The following ATE1 variants were observed in gnomAD, a reference collection of about 807,000 sequenced individuals.
The protein encoded by ATE1 is arginyltransferase 1, also known as arginyl-tRNA--protein transferase 1.
In ATE1, 36 loss-of-function variants were observed where a neutral mutation model predicts 70.5. The observed-to-expected ratio is 0.51, with a 90% confidence interval of 0.39 to 0.67. The LOEUF is 0.67. ATE1 is among the 30% of genes least tolerant of loss of function. ATE1 has a pLI of 0.00. For missense variants in ATE1, 593 were observed against 629.5 expected, an observed-to-expected ratio of 0.94 and a Z score of 0.62; for synonymous variants, 232 against 219.3, an observed-to-expected ratio of 1.06 and a Z score of -0.51.
At chr10:121,848,054 G>C (rs907254132) in intron 8 of ATE1, among the ~76,000 whole-genome samples, 13 of 152,038 alleles carry the variant, frequency 8.6e-5, no homozygotes, top group Non-Finnish European at 1.6e-4. Flanking sequence ...CTGGGCGACA[G>C]AGCAAGACTC....
intron 8 of ATE1, among the ~76,000 whole-genome samples, chr10:121,843,224 A>G (rs1948696405): frequency 6.6e-6 from 1 of 152,234 alleles, no homozygotes; most frequent in Non-Finnish European, 1.5e-5. Flanking sequence ...ACAAAAAATG[A>G]AATGTTTAGT....
chr10:121,870,788 C>T (rs1949827296), intron 7 of ATE1, among the ~76,000 whole-genome samples: 1 of 152,144 alleles, frequency 6.6e-6, no homozygotes, highest in African/African-American at 2.4e-5. Context: ...TTGTAGTATA[C>T]CTCTGAAATG....
chr10:121,810,502 C>T (rs544730329), intron 10 of ATE1, among the ~76,000 whole-genome samples: 1 of 152,170 alleles, frequency 6.6e-6, no homozygotes, highest in South Asian at 2.1e-4. Context: ...GATACCCTGA[C>T]CTTGTGATCT....
At chr10:121,807,054 C>A (rs926918736) in intron 10 of ATE1, among the ~76,000 whole-genome samples, 1 of 152,162 alleles carries the variant, frequency 6.6e-6, no homozygotes, top group Admixed American at 6.6e-5. Context: ...AAGACAGGGC[C>A]TATGTCTAAG....
intron 1 of ATE1, chr10:121,927,383 C>T (rs1952138205): frequency 1.0e-6 from 1 of 984,610 alleles, no homozygotes; most frequent in Admixed American, 6.2e-5. Flanking sequence ...GCTCATCCTT[C>T]CTGTACATTC....
intron 7 of ATE1, among the ~76,000 whole-genome samples, chr10:121,872,775 G>GA (rs796682036): frequency 9.7e-4 from 142 of 145,846 alleles, no homozygotes; most frequent in East Asian, 6.6e-3. Flanking sequence ...AAAGTCTATT[G>GA]AAAAAAAAAA....
At chr10:121,918,896 C>T (rs752132025) in intron 3 of ATE1, among the ~76,000 whole-genome samples, 2 of 152,074 alleles carry the variant, frequency 1.3e-5, no homozygotes, top group Non-Finnish European at 2.9e-5. Flanking sequence ...TTGTAAAACG[C>T]CCCAATCGGC....
intron 11 of ATE1, among the ~76,000 whole-genome samples, chr10:121,780,485 T>C (rs576388961): frequency 6.6e-6 from 1 of 152,178 alleles, no homozygotes; most frequent in Non-Finnish European, 1.5e-5. Flanking sequence ...AAACCCTTCT[T>C]AACTCTGCTC....
At chr10:121,911,415 T>A (rs1951419916) in intron 4 of ATE1, among the ~76,000 whole-genome samples, 1 of 140,220 alleles carries the variant, frequency 7.1e-6, no homozygotes, top group Non-Finnish European at 1.5e-5. Flanking sequence ...CTGGGCAACA[T>A]AGTGAGACAC....
At chr10:121,882,412 A>G (rs374133995) in intron 7 of ATE1, among the ~76,000 whole-genome samples, 9 of 152,332 alleles carry the variant, frequency 5.9e-5, no homozygotes, top group African/African-American at 1.9e-4. Flanking sequence ...CAGACCTAGT[A>G]ACAAAAGTTT....
chr10:121,759,421 A>C (rs1944941638), intron 11 of ATE1, among the ~76,000 whole-genome samples: 1 of 152,240 alleles, frequency 6.6e-6, no homozygotes, highest in Non-Finnish European at 1.5e-5. Flanking sequence ...AGCCATCTCC[A>C]TAAAAGTACA....
At chr10:121,840,712 T>C (rs1235471346) in intron 9 of ATE1, among the ~76,000 whole-genome samples, 1 of 151,428 alleles carries the variant, frequency 6.6e-6, no homozygotes, top group African/African-American at 2.4e-5. Flanking sequence ...CTAGAGATTA[T>C]AGATTATAGA....
intron 7 of ATE1, among the ~76,000 whole-genome samples, chr10:121,889,119 T>C (rs548227289): frequency 2.2e-4 from 33 of 152,256 alleles, no homozygotes; most frequent in African/African-American, 7.9e-4. Flanking sequence ...GTTTAAGCGA[T>C]TTTCCCGCTT....
intron 11 of ATE1, among the ~76,000 whole-genome samples, chr10:121,744,876 T>C (rs925471880): frequency 6.6e-6 from 1 of 152,204 alleles, no homozygotes; most frequent in African/African-American, 2.4e-5. Flanking sequence ...TTTCCAAGCA[T>C]CTTTTCCAAA....
intron 8 of ATE1, among the ~76,000 whole-genome samples, chr10:121,858,702 A>ACT (rs1338227926): frequency 6.9e-5 from 4 of 58,216 alleles, no homozygotes; most frequent in African/African-American, 2.5e-4. Flanking sequence ...ATATTTTTTT[A>ACT]ATATATTATA....
chr10:121,771,385 A>G (rs1037838801), intron 11 of ATE1, among the ~76,000 whole-genome samples: 16 of 152,138 alleles, frequency 1.1e-4, no homozygotes, highest in Non-Finnish European at 2.2e-4. Flanking sequence ...TACTTTAAAT[A>G]GTGATTTTCT....
chr10:121,886,977 T>A lies in ATE1; in HGVS notation c.942+12889A>T, dbSNP rs529977548. On this transcript the variant is annotated intron_variant, in intron 7 of 11. Coordinates refer to ENST00000224652, the MANE Select transcript of ATE1 (RefSeq NM_001001976.3). ...CCATTAAGAGGAAAAAAAATAAAGATGAAAACTTCTCGAGATTAAAGTCCA... is the reference window on the plus strand; with the variant it reads ...CCATTAAGAGGAAAAAAAATAAAGAAGAAAACTTCTCGAGATTAAAGTCCA... 1.1e-3 allele frequency among the ~76,000 whole-genome samples: 162 copies of A among 152,282 alleles called. 1 individual carries two copies. The highest frequency in any genetic ancestry group is 3.6e-3 in the African/African-American group (150 of 41,568).
At chr10:121,765,371 A>G (rs1216168894) in intron 11 of ATE1, among the ~76,000 whole-genome samples, 1 of 152,236 alleles carries the variant, frequency 6.6e-6, no homozygotes, top group African/African-American at 2.4e-5. Flanking sequence ...AGTAAGCTCA[A>G]TTCCACTGCA....
At chr10:121,832,687 C>A (rs1051633978) in intron 10 of ATE1, among the ~76,000 whole-genome samples, 3 of 152,220 alleles carry the variant, frequency 2.0e-5, no homozygotes, top group African/African-American at 7.2e-5. Context: ...CCTCTCCAGC[C>A]ATGTGGAGTT....
Sources: allele counts gnomAD v4.1 joint callset (sites outside exome capture counted in the v4.1 genomes callset), GRCh38; gene constraint gnomAD v4.1.1; transcripts MANE v1.5; gene names NCBI Gene and HGNC (gene_info 2026-07-23, HGNC 2026-07-21).